The following STX18 variants were observed in gnomAD, a reference collection of about 807,000 sequenced individuals.
STX18 encodes the protein syntaxin-18.
STX18 carries 40 observed loss-of-function variants against 50.1 expected under a neutral mutation model. The observed-to-expected ratio is 0.80, with a 90% CI of 0.62 to 1.04. The LOEUF (loss-of-function observed/expected upper bound fraction) is 1.04, where lower values mean the gene tolerates loss of function less well. Ranked by LOEUF, STX18 falls within the 50% of genes least tolerant of loss-of-function variation. The pLI, the probability that STX18 is intolerant of heterozygous loss-of-function variation, is 0.00. For missense variants in STX18, 410 were observed against 415.8 expected, an observed-to-expected ratio of 0.99 and a Z score of 0.12; for synonymous variants, 158 against 151.8, an observed-to-expected ratio of 1.04 and a Z score of -0.30.
chr4:4,428,718 T>C (rs369715002), intron 7 of STX18, among the ~76,000 whole-genome samples: 18 of 152,336 alleles, frequency 1.2e-4, no homozygotes, highest in African/African-American at 4.3e-4. Context: ...CAGAGCTCGC[T>C]GAGCCTCACT....
chr4:4,476,400 G>C (rs573806661), intron 1 of STX18, among the ~76,000 whole-genome samples: 1 of 152,360 alleles, frequency 6.6e-6, no homozygotes, highest in South Asian at 2.1e-4. Context: ...TGTGGAAACA[G>C]ATATTCTTAG....
chr4:4,512,762 CTT>C (rs1730060247), intron 1 of STX18, among the ~76,000 whole-genome samples: 1 of 152,142 alleles, frequency 6.6e-6, no homozygotes, highest in African/African-American at 2.4e-5. Flanking sequence ...CTTACAGTGA[CTT>C]CCTGGATGAC....
rs1731083547 is a variant in STX18, at chr4:4,531,210, T to A, written c.168+10587A>T. On this transcript the variant is annotated intron_variant, in intron 1 of 10. Transcript: ENST00000306200. The stretch of plus-strand genomic sequence containing the variant: ...AATGGGTTTCACTAAAAAATTCATA[T>A]ATGCATATATTATTTTTTGGTGTAA... Among the ~76,000 whole-genome samples, 3 of 152,072 alleles carry A rather than the reference T, an allele frequency of 2.0e-5. No homozygotes were observed. In the South Asian group the frequency reaches 6.2e-4, roughly 32 times the overall value.
intron 1 of STX18, among the ~76,000 whole-genome samples, chr4:4,485,673 C>T (rs552682957): frequency 6.6e-6 from 1 of 152,320 alleles, no homozygotes; most frequent in Admixed American, 6.5e-5. Context: ...CCCCAGAGCT[C>T]ACACACGCTG....
In STX18 at chr4:4,426,001, C is replaced by T. The variant is rs1160843176; in HGVS notation, c.703-779G>A. 3 of 152,220 alleles carry T rather than the reference C, an allele frequency of 2.0e-5. No homozygotes were observed. The East Asian group carries it at 5.8e-4, about 29-fold the overall frequency. 9.4% of individuals were successfully genotyped at this position (152,220 alleles called of 1,614,324 possible). A position where few individuals can be genotyped will look rare whatever the true frequency, so the allele number is the denominator to read the frequency against. On this transcript the variant is annotated intron_variant, in intron 7 of 10. Coordinates refer to ENST00000306200, the MANE Select transcript of STX18 (RefSeq NM_016930.4). ...CCCCACAGCCCTGTCCTCGTGTGTC[C>T]ACTCAACTCCCGCAATGTGCAGGGA...
At chr4:4,506,535 G>A (rs745342012) in intron 1 of STX18, among the ~76,000 whole-genome samples, 9 of 152,148 alleles carry the variant, frequency 5.9e-5, no homozygotes, top group Non-Finnish European at 1.3e-4. Context: ...GACCACAAAC[G>A]GACAGCATGG....
intron 5 of STX18, among the ~76,000 whole-genome samples, chr4:4,439,028 A>C (rs1725946288): frequency 1.3e-5 from 2 of 149,136 alleles, no homozygotes; most frequent in African/African-American, 5.0e-5. Flanking sequence ...ACATATATAT[A>C]CCCATGCACA....
At position 4,430,709 on chromosome 4, in the gene STX18, G is replaced by C. The variant is rs4473602; in HGVS notation, c.702+4061C>G. On this transcript the variant is annotated intron_variant, in intron 7 of 10. Coordinates refer to ENST00000306200, the MANE Select transcript of STX18 (RefSeq NM_016930.4). ...TATCAGTTGCTAAAACACGTGCAGG[G>C]CATGCCACAATGCACAGACATGGCA... is the stretch of plus-strand genomic sequence containing the variant. Among the ~76,000 whole-genome samples, 976 of 152,312 alleles carry C rather than the reference G, an allele frequency of 6.4e-3. 9 individuals carry two copies. The highest frequency in any genetic ancestry group is 0.022 in the African/African-American group (907 of 41,554).
Position 4,484,154 on chromosome 4 carries a change from G to A in STX18, c.169-12448C>T, listed in dbSNP as rs552052577. 1.1e-4 allele frequency among the ~76,000 whole-genome samples: 16 copies of A among 152,178 alleles called. No homozygotes were observed. The East Asian group carries it at 1.9e-3, about 18-fold the overall frequency. ...TGGGATTACAGGTGTGAGCCACCGT[G>A]CCCGGCCCCTTCCTCTCAGGAATTT... On this transcript the variant is annotated intron_variant, in intron 1 of 10. Transcript: ENST00000306200.
rs370149133 is a variant in STX18 at position 4,459,772 on chromosome 4, T to G, written c.237-285A>C. ...GGAGCGTGGAGTCAGGGCTACAGCA[T>G]AAGCCAGGCTTATAAAGAATGTAGG... On this transcript the variant is annotated intron_variant, in intron 2 of 10. Coordinates refer to ENST00000306200, the MANE Select transcript of STX18 (RefSeq NM_016930.4). 8.1e-4 allele frequency among the ~76,000 whole-genome samples: 124 copies of G among 152,306 alleles called. 2 individuals carry two copies. The South Asian group carries it at 0.023, about 29-fold the overall frequency.
At chr4:4,453,145 T>C (rs533723947) in intron 5 of STX18, among the ~76,000 whole-genome samples, 132 of 152,350 alleles carry the variant, frequency 8.7e-4, no homozygotes, top group African/African-American at 3.0e-3. Flanking sequence ...GGGCTTAGAA[T>C]ATTGCATAAA....
intron 7 of STX18, among the ~76,000 whole-genome samples, chr4:4,432,021 A>G (rs1725543003): frequency 6.6e-6 from 1 of 152,252 alleles, no homozygotes; most frequent in South Asian, 2.1e-4. Flanking sequence ...CTGGAACATG[A>G]AAGAAGCTGG....
chr4:4,456,969 G>C (rs1283674633), intron 5 of STX18, among the ~76,000 whole-genome samples: 1 of 152,204 alleles, frequency 6.6e-6, no homozygotes, highest in African/African-American at 2.4e-5. Flanking sequence ...TTTGTAAAAT[G>C]AGGGAGGAAA....
At chr4:4,528,275 C>T (rs984982794) in intron 1 of STX18, among the ~76,000 whole-genome samples, 5 of 152,044 alleles carry the variant, frequency 3.3e-5, no homozygotes, top group African/African-American at 1.2e-4. Context: ...TGATGTGATC[C>T]CCAATATTGG....
At chr4:4,517,308 AC>A (rs1730314263) in intron 1 of STX18, among the ~76,000 whole-genome samples, 2 of 152,232 alleles carry the variant, frequency 1.3e-5, no homozygotes, top group Non-Finnish European at 2.9e-5. Flanking sequence ...CTACTGTGAT[AC>A]TAAATAGAAA....
At chr4:4,509,405 GT>G (rs531102857) in intron 1 of STX18, among the ~76,000 whole-genome samples, 275 of 148,794 alleles carry the variant, frequency 1.8e-3, no homozygotes, top group Non-Finnish European at 3.4e-3. Context: ...TTTTTAAAGG[GT>G]TTTTTTTTTC....
At chr4:4,502,841 G>A (rs1447663881) in intron 1 of STX18, among the ~76,000 whole-genome samples, 3 of 152,048 alleles carry the variant, frequency 2.0e-5, no homozygotes, top group Non-Finnish European at 4.4e-5. Context: ...ACACTTCATC[G>A]GCTCTACTTT....
At chr4:4,434,702 T>TTCTCCTTAGTGAC (rs1725685714) in intron 7 of STX18, 68 bp downstream of exon 7, 1 of 1,338,254 alleles carries the variant, frequency 7.5e-7, no homozygotes, top group Admixed American at 2.3e-5. Flanking sequence ...GAGGATGAGT[T>TTCTCCTTAGTGAC]TCTCCTTAGT....
At position 4,420,823 on chromosome 4, in the gene STX18, G is replaced by A. The variant is rs1724909242; in HGVS notation, c.912+41C>T. 5 of 1,565,930 alleles carry A rather than the reference G, an allele frequency of 3.2e-6. No homozygotes were observed. The highest frequency in any genetic ancestry group is 4.4e-6 in the Non-Finnish European group (5 of 1,136,592). On this transcript the variant is annotated intron_variant, in intron 10 of 10. Transcript: ENST00000306200. This position sits in a 1 kb window ranked among gnomAD's most constrained non-coding sequence, Gnocchi z 4.3. ...CTAACACCCGCTGCTGGGACTCAGTGCTGCGCCACGTCGCACCTGGGGAAC... is the reference window on the plus strand; with the variant it reads ...CTAACACCCGCTGCTGGGACTCAGTACTGCGCCACGTCGCACCTGGGGAAC...
Sources: gnomAD v4.1 joint callset for allele counts (sites outside exome capture counted in the v4.1 genomes callset) on GRCh38, gnomAD v4.1.1 for gene constraint, Gnocchi (gnomAD v3.1) non-coding constraint, MANE v1.5 for transcripts, NCBI Gene and HGNC (gene_info 2026-07-23, HGNC 2026-07-21) for gene names.